Variants in PHF21B observed in about 807,000 individuals in gnomAD.
PHF21B encodes the protein PHD finger protein 21B.
A neutral mutation model predicts 62.2 loss-of-function variants in PHF21B; 22 were observed. The ratio of observed to expected loss-of-function variants is 0.35; its 90% CI spans 0.25 to 0.51. The LOEUF is 0.51. Ranked by LOEUF, PHF21B falls within the 20% of genes least tolerant of loss-of-function variation. The probability of loss-of-function intolerance (pLI) is 0.97; values close to 1 mark genes in which losing one functional copy is unlikely to be tolerated. For missense variants in PHF21B, 701 were observed against 707.9 expected (o/e 0.99, Z 0.11); for synonymous variants, 341 against 314.7 (o/e 1.08, Z -0.88).
intron 5 of PHF21B, chr22:44,902,394 T>G (rs1290602330): frequency 5.1e-5 from 15 of 295,056 alleles, no homozygotes; most frequent in African/African-American, 2.9e-4. Flanking sequence ...TTTGCCCTGA[T>G]GAGTGGAGTT....
At chr22:44,884,707 T>TCACCACCATGATCACCATCACCAC (rs2070821375) in intron 12 of PHF21B, among the ~76,000 whole-genome samples, 1 of 139,126 alleles carries the variant, frequency 7.2e-6, no homozygotes, top group Non-Finnish European at 1.5e-5. Flanking sequence ...ACCATCACCA[T>TCACCACCATGATCACCATCACCAC]CACCACCATG....
chr22:44,990,767 C>T (rs1039021837), intron 2 of PHF21B, among the ~76,000 whole-genome samples: 2 of 152,134 alleles, frequency 1.3e-5, no homozygotes, highest in African/African-American at 2.4e-5. Context: ...GACTACACAG[C>T]GTGAATATAT....
At chr22:44,893,591 G>T in intron 6 of PHF21B, 58 bp from the exon 7 acceptor site, 1 of 1,512,892 alleles carries the variant, frequency 6.6e-7, no homozygotes, top group Non-Finnish European at 9.0e-7. Flanking sequence ...AACCCCAAAT[G>T]CTTCCTTGCC....
At chr22:44,980,627 T>C (rs1388833769) in intron 2 of PHF21B, among the ~76,000 whole-genome samples, 1 of 152,206 alleles carries the variant, frequency 6.6e-6, no homozygotes, top group South Asian at 2.1e-4. Context: ...TCAGGGCAGC[T>C]GCGAAGCTTC....
intron 2 of PHF21B, among the ~76,000 whole-genome samples, chr22:44,995,309 T>C (rs1351148348): frequency 6.6e-6 from 1 of 152,150 alleles, no homozygotes; most frequent in Non-Finnish European, 1.5e-5. Flanking sequence ...TGCTTATAAT[T>C]AGATCCACAA....
rs571288804 is a variant in PHF21B, at chr22:44,956,625, C to T, written c.121-36135G>A. 8.6e-5 allele frequency among the ~76,000 whole-genome samples: 13 copies of T among 151,054 alleles called. No individual in the cohort carries two copies. The South Asian group carries it at 1.0e-3, about 12-fold the overall frequency. Reference sequence around the variant, plus strand: ...GCTTCCTTCACGAGGCGGCTGCTGCCCAGGGAGACCTCGAGGGACCCTCCA... The same window carrying T: ...GCTTCCTTCACGAGGCGGCTGCTGCTCAGGGAGACCTCGAGGGACCCTCCA... On this transcript the variant is annotated intron_variant, in intron 2 of 12. Transcript: ENST00000313237.
chr22:44,892,768 T>C (rs569956791), intron 7 of PHF21B, among the ~76,000 whole-genome samples: 85 of 152,334 alleles, frequency 5.6e-4, no homozygotes, highest in African/African-American at 1.9e-3. Flanking sequence ...GAGATGACAT[T>C]AGGATTTTAA....
intron 9 of PHF21B, 68 bp downstream of exon 9, chr22:44,889,692 C>A (rs992176415): frequency 1.3e-6 from 2 of 1,529,856 alleles, no homozygotes; most frequent in East Asian, 2.5e-5. Context: ...CAGGAGGGAC[C>A]CTATGAGGAC....
At chr22:44,899,282 ATTCTTT>A (rs2071114296) in intron 5 of PHF21B, among the ~76,000 whole-genome samples, 1 of 123,352 alleles carries the variant, frequency 8.1e-6, no homozygotes, top group East Asian at 2.6e-4. Flanking sequence ...CTCTGTTCTT[ATTCTTT>A]TTTTTTTTTT....
intron 5 of PHF21B, among the ~76,000 whole-genome samples, chr22:44,897,692 A>G (rs1348904452): frequency 6.6e-6 from 1 of 152,190 alleles, no homozygotes; most frequent in Admixed American, 6.5e-5. Flanking sequence ...TTTACAGGGA[A>G]GTTGCAAGAC....
At chr22:44,995,036 T>C (rs1267248216) in intron 2 of PHF21B, among the ~76,000 whole-genome samples, 2 of 152,192 alleles carry the variant, frequency 1.3e-5, no homozygotes, top group African/African-American at 4.8e-5. Flanking sequence ...AGAGCTGTGT[T>C]TGCCTTTTTC....
At chr22:44,982,300 T>C (rs2072857261) in intron 2 of PHF21B, among the ~76,000 whole-genome samples, 1 of 152,208 alleles carries the variant, frequency 6.6e-6, no homozygotes, top group Admixed American at 6.5e-5. Flanking sequence ...AAGGCTGATC[T>C]GGGGCAGGGA....
In PHF21B at chr22:44,966,439, G is replaced by A. The variant is rs368966271; in HGVS notation, c.120+42106C>T. On this transcript the variant is annotated intron_variant, in intron 2 of 12. Transcript: ENST00000313237. ...CCACACAACCCTTGGGCAGGCCAGCGTCTACTGGGAGCTTTGGGGCCACTG... is the reference window on the plus strand; with the variant it reads ...CCACACAACCCTTGGGCAGGCCAGCATCTACTGGGAGCTTTGGGGCCACTG... Among the ~76,000 whole-genome samples the A allele has an allele frequency of 1.8e-4, 28 of 152,330 alleles. No individual in the cohort carries two copies. The East Asian group carries it at 3.3e-3, about 18-fold the overall frequency.
intron 2 of PHF21B, among the ~76,000 whole-genome samples, chr22:44,941,420 G>C (rs1239976268): frequency 6.6e-6 from 1 of 152,212 alleles, no homozygotes; most frequent in East Asian, 1.9e-4. Context: ...CTACACCTCA[G>C]GAGGAAGCTC....
chr22:44,947,158 C>T (rs965698700), intron 2 of PHF21B, among the ~76,000 whole-genome samples: 1 of 152,242 alleles, frequency 6.6e-6, no homozygotes, highest in East Asian at 1.9e-4. Flanking sequence ...GCCTTGCAGG[C>T]TGAGCTGTCC....
intron 2 of PHF21B, among the ~76,000 whole-genome samples, chr22:44,958,283 C>G (rs78077457): frequency 0.012 from 1,840 of 152,268 alleles, 37 homozygotes; most frequent in African/African-American, 0.041. Context: ...TCTCCCTACA[C>G]AGTGAGGGTC....
chr22:44,905,140 C>T (rs1330720681), intron 5 of PHF21B, among the ~76,000 whole-genome samples: 4 of 152,178 alleles, frequency 2.6e-5, no homozygotes, highest in Non-Finnish European at 5.9e-5. Flanking sequence ...CTCCACCTGC[C>T]CTGTCACCCT....
At chr22:44,941,770 A>G (rs764911667) in intron 2 of PHF21B, among the ~76,000 whole-genome samples, 11 of 152,118 alleles carry the variant, frequency 7.2e-5, no homozygotes, top group Non-Finnish European at 1.2e-4. Context: ...AGACCTGCTC[A>G]TGGTGACCAG....
At chr22:44,963,114 C>T (rs1259476421) in intron 2 of PHF21B, among the ~76,000 whole-genome samples, 1 of 152,244 alleles carries the variant, frequency 6.6e-6, no homozygotes, top group Non-Finnish European at 1.5e-5. Context: ...GAATCAAGAT[C>T]TCAGCTTCTC....
Sources: gnomAD v4.1 joint callset for allele counts (sites outside exome capture counted in the v4.1 genomes callset) on GRCh38, gnomAD v4.1.1 for gene constraint, MANE v1.5 for transcripts, NCBI Gene and HGNC (gene_info 2026-07-23, HGNC 2026-07-21) for gene names.